Variants in NIBAN1 observed in about 807,000 individuals in gnomAD.
The protein encoded by NIBAN1 is niban apoptosis regulator 1.
Under a neutral mutation model 75.1 loss-of-function variants are expected in NIBAN1, and 81 were observed. That is an observed-to-expected ratio of 1.08 (90% confidence interval 0.90 to 1.30). The LOEUF is 1.30. Ranked by LOEUF, NIBAN1 falls within the 50% of genes most tolerant of loss-of-function variation. The probability of loss-of-function intolerance (pLI) is 0.00; values close to 1 mark genes in which losing one functional copy is unlikely to be tolerated. For missense variants in NIBAN1, 1,133 were observed against 1,128.1 expected, an observed-to-expected ratio of 1.00 and a Z score of -0.06; for synonymous variants, 436 against 424.8, an observed-to-expected ratio of 1.03 and a Z score of -0.32.
intron 5 of NIBAN1, among the ~76,000 whole-genome samples, chr1:184,833,694 C>A (rs932723433): frequency 1.3e-5 from 2 of 151,216 alleles, no homozygotes; most frequent in Non-Finnish European, 2.9e-5. Flanking sequence ...AGAGTGAGAC[C>A]CTGTCTCAAA....
chr1:184,901,703 G>T (rs990994433), intron 1 of NIBAN1, among the ~76,000 whole-genome samples: 3 of 152,180 alleles, frequency 2.0e-5, no homozygotes, highest in Admixed American at 1.3e-4. Flanking sequence ...ACTCTATAAA[G>T]CTTTGAAAGC....
intron 5 of NIBAN1, among the ~76,000 whole-genome samples, chr1:184,864,988 C>CA (rs200197955): frequency 0.015 from 913 of 61,188 alleles, 14 homozygotes; most frequent in South Asian, 0.047. Flanking sequence ...CTAAAGAGGT[C>CA]AAAAAAAAAA....
At chr1:184,906,747 T>C (rs1657117120) in intron 1 of NIBAN1, among the ~76,000 whole-genome samples, 1 of 152,204 alleles carries the variant, frequency 6.6e-6, no homozygotes, top group South Asian at 2.1e-4. Context: ...ACAAACAAAA[T>C]CCTTTCTTGG....
chr1:184,930,333 A>T (rs1657786638), intron 1 of NIBAN1, among the ~76,000 whole-genome samples: 1 of 152,222 alleles, frequency 6.6e-6, no homozygotes, highest in African/African-American at 2.4e-5. Flanking sequence ...CTCAATTCAG[A>T]TTGAAGGCTG....
Position 184,879,474 on chromosome 1 carries a change from T to G in NIBAN1, c.601+5159A>C, listed in dbSNP as rs1158169184. On this transcript the variant is annotated intron_variant, in intron 5 of 13. Transcript: ENST00000367511. Reference sequence around the variant, plus strand: ...TATTTTCAGTTATAATTGATTGATCTCCACACTAGATGCATAGTCTCTCAA... The same window carrying G: ...TATTTTCAGTTATAATTGATTGATCGCCACACTAGATGCATAGTCTCTCAA... 3.9e-5 allele frequency among the ~76,000 whole-genome samples: 6 copies of G among 152,120 alleles called. 1 individual carries two copies. Among genetic ancestry groups the G allele is most frequent in the Non-Finnish European group, 8.8e-5 (6 of 68,036 alleles).
intron 12 of NIBAN1, among the ~76,000 whole-genome samples, chr1:184,801,569 G>T (rs2102186134): frequency 6.6e-6 from 1 of 152,270 alleles, no homozygotes; most frequent in Admixed American, 6.5e-5. Flanking sequence ...TCAGGACTGG[G>T]TGAAAGCATG....
At chr1:184,830,728 G>A (rs1249321628) in intron 6 of NIBAN1, among the ~76,000 whole-genome samples, 7 of 152,138 alleles carry the variant, frequency 4.6e-5, no homozygotes, top group African/African-American at 1.2e-4. Flanking sequence ...GGGGCCAGGC[G>A]TGGTGGCTCA....
chr1:184,845,525 C>A (rs1655413225), intron 5 of NIBAN1, among the ~76,000 whole-genome samples: 1 of 152,028 alleles, frequency 6.6e-6, no homozygotes. Flanking sequence ...CTTTGGGAGG[C>A]CAAGGAGGAT....
At chr1:184,915,052 G>T (rs1014177106) in intron 1 of NIBAN1, among the ~76,000 whole-genome samples, 8 of 152,092 alleles carry the variant, frequency 5.3e-5, no homozygotes, top group African/African-American at 1.9e-4. Context: ...GCCACGTGTG[G>T]CTAATGGTTA....
At chr1:184,947,042 C>T (rs1571596102) in intron 1 of NIBAN1, among the ~76,000 whole-genome samples, 1 of 150,144 alleles carries the variant, frequency 6.7e-6, no homozygotes, top group South Asian at 2.1e-4. Context: ...CATTGCACTC[C>T]AGCCTGGGCA....
chr1:184,803,630 G>C lies in NIBAN1; in HGVS notation c.1509C>G (p.Ile503Met). 1 of 1,614,196 alleles carries C rather than the reference G, an allele frequency of 6.2e-7. No homozygotes were observed. Among genetic ancestry groups the C allele is most frequent in the Non-Finnish European group, 8.5e-7 (1 of 1,180,016 alleles). The change falls in exon 12 of 14, where the codon ATC becomes ATG. Residue 503 changes from isoleucine to methionine, a missense_variant. By Grantham distance (10) the Ile-to-Met change is conservative (BLOSUM62 1). Transcript: ENST00000367511. Reference protein sequence around the residue: ...KKIFQEALVQITLPTVQKALA... With the variant: ...KKIFQEALVQMTLPTVQKALA... ...GTGCCTTCTGCACAGTGGGAAGTGT[G>C]ATTTGAACTAGTGCCTCTTGAAATA...
At chr1:184,811,886 T>C (rs1654391826) in intron 9 of NIBAN1, among the ~76,000 whole-genome samples, 1 of 152,158 alleles carries the variant, frequency 6.6e-6, no homozygotes, top group South Asian at 2.1e-4. Flanking sequence ...GCTATTCCCT[T>C]TGGAATAATC....
intron 6 of NIBAN1, among the ~76,000 whole-genome samples, chr1:184,826,354 G>A (rs1557878805): frequency 6.6e-6 from 1 of 152,176 alleles, no homozygotes; most frequent in Admixed American, 6.5e-5. Flanking sequence ...AACCTAACAT[G>A]CACAAAACTC....
intron 1 of NIBAN1, among the ~76,000 whole-genome samples, chr1:184,908,881 G>C (rs1405952280): frequency 6.6e-6 from 1 of 152,144 alleles, no homozygotes; most frequent in African/African-American, 2.4e-5. Flanking sequence ...AGAGGGAAGA[G>C]TGTGAAAAAG....
chr1:184,944,684 G>A (rs1313263577), intron 1 of NIBAN1, among the ~76,000 whole-genome samples: 1 of 152,172 alleles, frequency 6.6e-6, no homozygotes, highest in Non-Finnish European at 1.5e-5. Flanking sequence ...TGTCATAAAG[G>A]TCTGCAGTAA....
chr1:184,944,909 GA>G (rs1422611172), intron 1 of NIBAN1, among the ~76,000 whole-genome samples: 2 of 152,174 alleles, frequency 1.3e-5, no homozygotes, highest in Non-Finnish European at 2.9e-5. Flanking sequence ...AGGAGGTAAA[GA>G]AATACCCCTC....
chr1:184,817,393 T>A (rs1448613778), intron 9 of NIBAN1, among the ~76,000 whole-genome samples: 1 of 152,254 alleles, frequency 6.6e-6, no homozygotes, highest in East Asian at 1.9e-4. Flanking sequence ...TACCCAGTAA[T>A]GGGATGGCTG....
intron 5 of NIBAN1, among the ~76,000 whole-genome samples, chr1:184,864,119 T>C (rs1655887130): frequency 1.3e-5 from 2 of 152,314 alleles, no homozygotes; most frequent in South Asian, 4.1e-4. Context: ...ACATTCAGGA[T>C]TGAATTCTGA....
At chr1:184,915,374 T>C (rs1056892587) in intron 1 of NIBAN1, among the ~76,000 whole-genome samples, 1 of 152,220 alleles carries the variant, frequency 6.6e-6, no homozygotes, top group Non-Finnish European at 1.5e-5. Context: ...GATGCCTGGA[T>C]CTGTACAATC....
Sources: gnomAD v4.1 joint callset for allele counts (sites outside exome capture counted in the v4.1 genomes callset) on GRCh38, gnomAD v4.1.1 for gene constraint, MANE v1.5 for transcripts, NCBI Gene and HGNC (gene_info 2026-07-23, HGNC 2026-07-21) for gene names.